Variants in AVEN observed in about 807,000 individuals in gnomAD.
The protein encoded by AVEN is cell death regulator Aven.
A neutral mutation model predicts 38.1 loss-of-function variants in AVEN; 41 were observed. That is an observed-to-expected ratio of 1.08 (90% confidence interval 0.84 to 1.40). The LOEUF is 1.40. Ranked by LOEUF, AVEN falls within the 40% of genes most tolerant of loss-of-function variation. The pLI is 0.00. For synonymous variants in AVEN, 206 were observed against 171.8 expected (o/e 1.20, Z -1.56); for missense variants, 605 against 438.8 (o/e 1.38, Z -3.38).
chr15:33,904,710 T>TAC (rs1369829949), intron 2 of AVEN, among the ~76,000 whole-genome samples: 2 of 121,092 alleles, frequency 1.7e-5, no homozygotes, highest in African/African-American at 6.9e-5. Context: ...TATATATATA[T>TAC]ATATATACAC....
rs1567447633 is a variant in AVEN at position 33,983,186 on chromosome 15, GTGTGTATGTGTGTGTATATATATA to G, written c.445+19822_445+19845del. 1.2e-4 allele frequency among the ~76,000 whole-genome samples: 9 copies of G among 74,474 alleles called. No homozygotes were observed. The East Asian group carries it at 6.5e-3, about 54-fold the overall frequency. 48.9% of individuals were successfully genotyped at this position (74,474 alleles called of 152,430 possible). On this transcript the variant is annotated intron_variant, in intron 2 of 5. Coordinates refer to ENST00000306730, the MANE Select transcript of AVEN (RefSeq NM_020371.3). ...TGTGTGTGTGTATATATACACACGTGTGTGTATGTGTGTGTATATATATATATACATATATATACACACACATAC... is the reference window on the plus strand; with the variant it reads ...TGTGTGTGTGTATATATACACACGTGTATACATATATATACACACACATAC...
Position 33,874,167 on chromosome 15 carries a change from G to C in AVEN, c.516+1758C>G, listed in dbSNP as rs183111084. On this transcript the variant is annotated intron_variant, in intron 3 of 5. Transcript: ENST00000306730. ...CATTTTGAGTGTTTCATATGCATCA[G>C]GAACTGCACTCAAGGGCTTTTTATT... Among the ~76,000 whole-genome samples the C allele has an allele frequency of 1.1e-4, 16 of 152,202 alleles. No individual in the cohort carries two copies. In the East Asian group the frequency reaches 2.9e-3, roughly 28 times the overall value.
intron 1 of AVEN, among the ~76,000 whole-genome samples, chr15:34,030,820 G>C (rs1898753359): frequency 6.6e-6 from 1 of 151,656 alleles, no homozygotes; most frequent in Non-Finnish European, 1.5e-5. Context: ...ATCTTGCTTT[G>C]TTGCCCAGGC....
intron 2 of AVEN, among the ~76,000 whole-genome samples, chr15:33,904,716 T>TAC (rs371204081): frequency 5.8e-4 from 83 of 143,348 alleles, no homozygotes; most frequent in African/African-American, 1.8e-3. Context: ...TATATATATA[T>TAC]ACACACACAC....
At chr15:33,884,653 A>C (rs1891630708) in intron 2 of AVEN, among the ~76,000 whole-genome samples, 1 of 152,012 alleles carries the variant, frequency 6.6e-6, no homozygotes, top group Non-Finnish European at 1.5e-5. Context: ...TGCCAATTTT[A>C]AGCTTACCCT....
intron 2 of AVEN, among the ~76,000 whole-genome samples, chr15:33,903,209 T>C (rs142361837): frequency 3.3e-4 from 50 of 152,330 alleles, no homozygotes; most frequent in Non-Finnish European, 6.9e-4. Context: ...GCAGAATCCA[T>C]TCTTAGTATT....
downstream of AVEN, among the ~76,000 whole-genome samples, chr15:33,854,173 G>A (rs11629862): frequency 0.89 from 133,033 of 149,306 alleles, 60,051 homozygotes; most frequent in East Asian, 1. Flanking sequence ...TCCAGCCTGG[G>A]TGATAGAGTG....
At chr15:33,864,070 C>T, downstream of AVEN, 1 of 1,181,890 alleles carries the variant, frequency 8.5e-7, no homozygotes, top group Non-Finnish European at 1.2e-6. Flanking sequence ...GCCCTGATCA[C>T]AGTTAATCCA....
At chr15:33,890,490 G>C (rs1476859400) in intron 2 of AVEN, among the ~76,000 whole-genome samples, 2 of 152,148 alleles carry the variant, frequency 1.3e-5, no homozygotes, top group East Asian at 1.9e-4. Flanking sequence ...TGCCATAAAG[G>C]GGATAAGGAA....
chr15:33,932,712 C>T (rs1488494404), intron 2 of AVEN, among the ~76,000 whole-genome samples: 2 of 152,044 alleles, frequency 1.3e-5, no homozygotes, highest in Non-Finnish European at 2.9e-5. Context: ...GTAATCCCAG[C>T]TACTCAGGAG....
intron 3 of AVEN, among the ~76,000 whole-genome samples, chr15:33,873,929 T>A (rs1423763689): frequency 2.6e-5 from 4 of 151,268 alleles, no homozygotes; most frequent in Non-Finnish European, 5.9e-5. Context: ...GTAACCCCTG[T>A]CCCACGCTCA....
At chr15:34,005,154 T>C (rs1897290718) in intron 1 of AVEN, among the ~76,000 whole-genome samples, 1 of 152,192 alleles carries the variant, frequency 6.6e-6, no homozygotes. Flanking sequence ...TATATATACT[T>C]CTTTTTGGTC....
chr15:33,912,071 T>C (rs551654297), intron 2 of AVEN, among the ~76,000 whole-genome samples: 35 of 152,364 alleles, frequency 2.3e-4, no homozygotes, highest in East Asian at 1.3e-3. Flanking sequence ...CATGAGGTAA[T>C]AGAAATCAAA....
intron 2 of AVEN, among the ~76,000 whole-genome samples, chr15:33,988,518 G>A (rs1219436305): frequency 3.9e-5 from 6 of 152,242 alleles, no homozygotes; most frequent in East Asian, 1.9e-4. Flanking sequence ...CACACAGCCT[G>A]CAACTGGTAG....
At chr15:33,860,367 G>A (rs1597103815) in intron 11 of AVEN, among the ~76,000 whole-genome samples, 3 of 152,176 alleles carry the variant, frequency 2.0e-5, no homozygotes, top group Admixed American at 6.5e-5. Flanking sequence ...GTTTCAGGGA[G>A]GAGCAAGTAG....
At chr15:34,042,396 G>GTTTTT (rs35456951), upstream of AVEN, among the ~76,000 whole-genome samples, 4 of 130,382 alleles carry the variant, frequency 3.1e-5, no homozygotes, top group Non-Finnish European at 4.8e-5. Context: ...CATGACCTAA[G>GTTTTT]TTTTTTTTTT....
At chr15:33,865,246 G>C (rs117474814), downstream of AVEN, 57,973 of 1,542,008 alleles carry the variant, frequency 0.038, 1,426 homozygotes, top group Non-Finnish European at 0.04. Context: ...AAAGAAGCGC[G>C]ACAATTCTGG....
At chr15:33,931,368 T>C (rs1893840482) in intron 2 of AVEN, among the ~76,000 whole-genome samples, 2 of 66,700 alleles carry the variant, frequency 3.0e-5, no homozygotes, top group East Asian at 3.9e-4. Context: ...TTTTTTTTTT[T>C]TTTTTTTTTT....
chr15:33,918,697 T>C (rs10775218), intron 2 of AVEN, among the ~76,000 whole-genome samples: 102,581 of 151,564 alleles, frequency 0.68, 34,874 homozygotes, highest in Middle Eastern at 0.76. Flanking sequence ...TCAGGTGATC[T>C]GCCCGCCTCA....
Sources: gnomAD v4.1 joint callset for allele counts (sites outside exome capture counted in the v4.1 genomes callset) on GRCh38, gnomAD v4.1.1 for gene constraint, MANE v1.5 for transcripts, NCBI Gene and HGNC (gene_info 2026-07-23, HGNC 2026-07-21) for gene names.